MCTP1: variants seen among roughly 807,000 people sequenced by gnomAD.
MCTP1 encodes the protein multiple C2 and transmembrane domain containing 1, also known as multiple C2 and transmembrane domain-containing protein 1.
MCTP1 carries 69 observed loss-of-function variants against 120.6 expected under a neutral mutation model. That is an observed-to-expected ratio of 0.57 (90% CI 0.47 to 0.70). The LOEUF is 0.70. Ranked by LOEUF, MCTP1 falls within the 30% of genes least tolerant of loss-of-function variation. The probability of loss-of-function intolerance (pLI) is 0.00; values close to 1 mark genes in which losing one functional copy is unlikely to be tolerated. For synonymous variants in MCTP1, 529 were observed against 493.1 expected, an observed-to-expected ratio of 1.07 and a Z score of -0.96; for missense variants, 1,203 against 1,248.8, an observed-to-expected ratio of 0.96 and a Z score of 0.55.
chr5:95,186,679 A>G (rs1214544054), intron 1 of MCTP1, among the ~76,000 whole-genome samples: 2 of 152,228 alleles, frequency 1.3e-5, no homozygotes, highest in East Asian at 1.9e-4. Flanking sequence ...GCATAGCCCT[A>G]TAATAGCTAA....
chr5:95,200,232 T>C (rs1750863234), intron 1 of MCTP1, among the ~76,000 whole-genome samples: 1 of 151,776 alleles, frequency 6.6e-6, no homozygotes, highest in African/African-American at 2.4e-5. Context: ...AAGGGAACAC[T>C]TGTGCACTAT....
intron 18 of MCTP1, among the ~76,000 whole-genome samples, chr5:94,782,446 AAG>A (rs374452456): frequency 3.7e-4 from 57 of 152,258 alleles, no homozygotes; most frequent in African/African-American, 1.2e-3. Flanking sequence ...CTTTGAGGAC[AAG>A]AGTGTCTCAG....
At chr5:95,283,828 T>G (rs576954100) in intron 1 of MCTP1, 28 bp downstream of exon 1, 17 of 1,230,136 alleles carry the variant, frequency 1.4e-5, no homozygotes, top group African/African-American at 3.0e-5. Context: ...CCGCGCACCT[T>G]GTCTCCGGCC....
Position 94,705,999 on chromosome 5 carries a change from A to ATAAT in MCTP1, c.*1496_*1497insATTA. 1 of 151,736 alleles carries ATAAT rather than the reference A, an allele frequency of 6.6e-6. No homozygotes were observed. The highest frequency in any genetic ancestry group is 2.4e-5 in the African/African-American group (1 of 41,398). 9.4% of individuals were successfully genotyped at this position (151,736 alleles called of 1,614,324 possible). On this transcript the variant is annotated 3_prime_UTR_variant, in exon 23 of 23. Transcript: ENST00000515393. ...AGTTCTATTATAAGAAATAGTATTT[A>ATAAT]ACAACTTATCTCTAAAATAAAAATA...
chr5:94,986,342 G>A (rs1271119930), intron 2 of MCTP1, among the ~76,000 whole-genome samples: 1 of 151,894 alleles, frequency 6.6e-6, no homozygotes, highest in Non-Finnish European at 1.5e-5. Flanking sequence ...TCTTCTGTAT[G>A]TCAAAGCAAT....
rs1561497821 is a variant in MCTP1 at position 94,707,381 on chromosome 5, A to G, written c.*115T>C. 9.3e-6 allele frequency: 7 copies of G among 756,730 alleles called. No individual in the cohort carries two copies. Among genetic ancestry groups the G allele is most frequent in the Non-Finnish European group, 4.4e-6 (2 of 450,556 alleles). The allele number at this position is 756,730 out of a possible 1,614,324, so 46.9% of individuals were successfully genotyped here. On this transcript the variant is annotated 3_prime_UTR_variant, in exon 23 of 23. Transcript: ENST00000515393. ...ACACTATTTACAGATTCTCTCGATC[A>G]TGATAAAAAGGCAAAATAAATAAAA...
At chr5:94,714,927 A>G in intron 19 of MCTP1, 41 bp from the exon 20 acceptor site, 1 of 1,121,736 alleles carries the variant, frequency 8.9e-7, no homozygotes, top group Non-Finnish European at 1.4e-6. Context: ...GAGTAAAGGT[A>G]TTCTTCATTG....
intron 1 of MCTP1, among the ~76,000 whole-genome samples, chr5:95,086,639 T>A (rs552045607): frequency 2.1e-4 from 32 of 152,318 alleles, no homozygotes; most frequent in Admixed American, 9.8e-4. Context: ...ACTCAGAGAT[T>A]AACCTTCATT....
intron 1 of MCTP1, among the ~76,000 whole-genome samples, chr5:95,221,508 G>A (rs560739805): frequency 6.6e-6 from 1 of 152,264 alleles, no homozygotes; most frequent in South Asian, 2.1e-4. Context: ...GACAAATGGG[G>A]CACATGAGAT....
At position 94,734,899 on chromosome 5, in the gene MCTP1, A is replaced by G. The variant is rs12109160; in HGVS notation, c.2611-20013T>C. On this transcript the variant is annotated intron_variant, in intron 19 of 22. Coordinates refer to ENST00000515393, the MANE Select transcript of MCTP1 (RefSeq NM_024717.7). ...TCCTCATTCTTCCAGCTTCATCATG[A>G]CCTATGGTATTGATGTACCATTATT... is the stretch of plus-strand genomic sequence containing the variant. 3.6e-3 allele frequency among the ~76,000 whole-genome samples: 542 copies of G among 152,178 alleles called. 5 individuals carry two copies. Among genetic ancestry groups the G allele is most frequent in the African/African-American group, 0.012 (503 of 41,486 alleles).
chr5:95,245,146 A>C (rs865860919), intron 1 of MCTP1, among the ~76,000 whole-genome samples: 1 of 152,288 alleles, frequency 6.6e-6, no homozygotes, highest in Middle Eastern at 3.4e-3. Context: ...GGACATCCAC[A>C]CCAAAACCCC....
intron 19 of MCTP1, among the ~76,000 whole-genome samples, chr5:94,718,440 C>T (rs1458436309): frequency 6.6e-6 from 1 of 152,112 alleles, no homozygotes; most frequent in African/African-American, 2.4e-5. Context: ...GACATACTCA[C>T]AGGCAAAGAT....
At chr5:94,912,342 T>G (rs1207688781) in intron 9 of MCTP1, among the ~76,000 whole-genome samples, 1 of 146,012 alleles carries the variant, frequency 6.8e-6, no homozygotes, top group East Asian at 2.0e-4. Flanking sequence ...GGAGAATTGC[T>G]TGAACCCGGG....
At chr5:95,023,556 C>T (rs977081945) in intron 1 of MCTP1, among the ~76,000 whole-genome samples, 15 of 152,150 alleles carry the variant, frequency 9.9e-5, no homozygotes, top group African/African-American at 3.4e-4. Flanking sequence ...AACTCCAGGC[C>T]ACCACTCTGT....
chr5:94,991,438 A>C (rs1487257204), intron 2 of MCTP1, among the ~76,000 whole-genome samples: 1 of 152,220 alleles, frequency 6.6e-6, no homozygotes, highest in African/African-American at 2.4e-5. Context: ...AATTTTAAAT[A>C]CTCTGAAATA....
chr5:94,779,475 C>T (rs967546891), intron 18 of MCTP1, among the ~76,000 whole-genome samples: 6 of 152,150 alleles, frequency 3.9e-5, no homozygotes, highest in African/African-American at 9.6e-5. Flanking sequence ...TCCCTTCTAC[C>T]GATTCTGCTG....
At chr5:95,028,930 G>A (rs952117797) in intron 1 of MCTP1, among the ~76,000 whole-genome samples, 2 of 152,184 alleles carry the variant, frequency 1.3e-5, no homozygotes. Flanking sequence ...GGGAGACCAA[G>A]GCGGGCGATC....
intron 1 of MCTP1, among the ~76,000 whole-genome samples, chr5:95,102,607 T>C (rs1167663346): frequency 6.6e-6 from 1 of 152,146 alleles, no homozygotes; most frequent in Non-Finnish European, 1.5e-5. Flanking sequence ...CTGTGCTAAA[T>C]ACTAGGATAC....
intron 20 of MCTP1, among the ~76,000 whole-genome samples, chr5:94,714,093 A>AAAAT (rs1173227654): frequency 2.0e-5 from 3 of 152,270 alleles, no homozygotes; most frequent in African/African-American, 7.2e-5. Context: ...CCTTTTAAAA[A>AAAAT]AAATATAACA....
Sources: allele counts gnomAD v4.1 joint callset (sites outside exome capture counted in the v4.1 genomes callset), GRCh38; gene constraint gnomAD v4.1.1; transcripts MANE v1.5; gene names NCBI Gene and HGNC (gene_info 2026-07-23, HGNC 2026-07-21).